The following MACROD1 variants were observed in gnomAD, a reference collection of about 807,000 sequenced individuals.
The protein encoded by MACROD1 is mono-ADP ribosylhydrolase 1.
MACROD1 carries 31 observed loss-of-function variants against 41.4 expected under a neutral mutation model. That is an observed-to-expected ratio of 0.75 (90% CI 0.56 to 1.01). The LOEUF (loss-of-function observed/expected upper bound fraction) is 1.01, where lower values mean the gene tolerates loss of function less well. Ranked by LOEUF, MACROD1 falls within the 50% of genes least tolerant of loss-of-function variation. The pLI is 0.00. For synonymous variants in MACROD1, 252 were observed against 203.4 expected, an observed-to-expected ratio of 1.24 and a Z score of -2.03; for missense variants, 473 against 460.0, an observed-to-expected ratio of 1.03 and a Z score of -0.26.
Position 63,999,743 on chromosome 11 carries a change from GC to G in MACROD1, c.684del (p.Ile230SerfsTer19). 1 of 1,607,208 alleles carries G rather than the reference GC, an allele frequency of 6.2e-7. No homozygotes were observed. Among genetic ancestry groups the G allele is most frequent in the Non-Finnish European group, 8.5e-7 (1 of 1,179,448 alleles). On this transcript the variant is annotated frameshift_variant, in exon 6 of 11. Coordinates refer to ENST00000255681, the MANE Select transcript of MACROD1 (RefSeq NM_014067.4). LOFTEE classifies it high-confidence loss of function. ...GCGCTGGGCTCCCCGTAGGCGATGG[GC>G]CCCACTGTGTGGATGACGTCTACGG... ...LPAKYVIHTV[G>X]PIAYGEPSAS... is the part of the protein sequence containing the mutation.
At chr11:64,000,659 G>A (rs1484230386) in intron 4 of MACROD1, among the ~76,000 whole-genome samples, 2 of 151,914 alleles carry the variant, frequency 1.3e-5, no homozygotes, top group Admixed American at 6.5e-5. Flanking sequence ...TCCGGGAGGC[G>A]GGGGCCGCCG....
At chr11:64,040,184 A>C (rs1943458399) in intron 3 of MACROD1, among the ~76,000 whole-genome samples, 1 of 151,966 alleles carries the variant, frequency 6.6e-6, no homozygotes, top group South Asian at 2.1e-4. Context: ...CATTAGTCAG[A>C]TCTACCTCTT....
chr11:64,056,546 G>A (rs1943789517), intron 3 of MACROD1, among the ~76,000 whole-genome samples: 1 of 152,222 alleles, frequency 6.6e-6, no homozygotes, highest in African/African-American at 2.4e-5. Context: ...CAACAGCCGG[G>A]GGCCTGGCCC....
intron 1 of MACROD1, among the ~76,000 whole-genome samples, chr11:64,153,771 C>T (rs558863472): frequency 1.3e-5 from 2 of 152,294 alleles, no homozygotes; most frequent in East Asian, 3.9e-4. Context: ...GCCACTTCTG[C>T]CCCCTCTTCC....
chr11:64,019,026 T>C (rs1943118768), intron 3 of MACROD1, among the ~76,000 whole-genome samples: 1 of 151,800 alleles, frequency 6.6e-6, no homozygotes, highest in South Asian at 2.1e-4. Context: ...CATGTGGGGC[T>C]GAGTGGGGGA....
At chr11:64,140,084 G>A (rs1945390494) in intron 3 of MACROD1, among the ~76,000 whole-genome samples, 1 of 152,202 alleles carries the variant, frequency 6.6e-6, no homozygotes, top group Non-Finnish European at 1.5e-5. Flanking sequence ...AACCAAGCAT[G>A]CCAGCGCCCT....
rs959921017 is a variant in MACROD1, at chr11:64,120,163, G to T, written c.517+31076C>A. 6.6e-6 allele frequency among the ~76,000 whole-genome samples: 1 copy of T among 152,148 alleles called. No homozygotes were observed. On this transcript the variant is annotated intron_variant, in intron 3 of 10. Transcript: ENST00000255681. This position sits in a 1 kb window ranked among gnomAD's most constrained non-coding sequence, Gnocchi z 4.5. The stretch of plus-strand genomic sequence containing the variant: ...GTGAGGAGATGGGGCTGAAAGGAGC[G>T]GACACAACAGCCACGTGGAAAGTGG...
intron 3 of MACROD1, among the ~76,000 whole-genome samples, chr11:64,134,331 C>A (rs1243588990): frequency 6.6e-6 from 1 of 152,174 alleles, no homozygotes; most frequent in African/African-American, 2.4e-5. Flanking sequence ...GAGTTGAAAC[C>A]CTGAAGCAGG....
chr11:64,015,608 G>A (rs581355), intron 3 of MACROD1, among the ~76,000 whole-genome samples: 42,750 of 152,024 alleles, frequency 0.28, 7,650 homozygotes, highest in Non-Finnish European at 0.4. Flanking sequence ...TCACTGTTTC[G>A]CCCACAGTAT....
chr11:64,164,602 C>A (rs1318912949), intron 1 of MACROD1, among the ~76,000 whole-genome samples: 1 of 152,282 alleles, frequency 6.6e-6, no homozygotes, highest in Non-Finnish European at 1.5e-5. Context: ...TCTGCCGTCA[C>A]TTTTAGATCC....
intron 3 of MACROD1, among the ~76,000 whole-genome samples, chr11:64,136,873 C>T (rs966841553): frequency 1.3e-5 from 2 of 152,342 alleles, no homozygotes; most frequent in African/African-American, 4.8e-5. Context: ...CAAGTCTCTG[C>T]AGGGATGGGG....
intron 5 of MACROD1, 64 bp from the exon 6 acceptor site, chr11:63,999,827 C>T (rs1590786209): frequency 1.3e-6 from 2 of 1,539,044 alleles, no homozygotes; most frequent in African/African-American, 1.4e-5. Context: ...CTCGCTTCCC[C>T]CTGCCGGCCT....
chr11:64,009,166 GCGT>G (rs1189168910), intron 4 of MACROD1: 1 of 152,078 alleles, frequency 6.6e-6, no homozygotes, highest in Non-Finnish European at 1.5e-5. Flanking sequence ...AGAGACACGG[GCGT>G]CAGGGCTCTG....
At position 64,120,171 on chromosome 11, in the gene MACROD1, C is replaced by T. The variant is rs757256495; in HGVS notation, c.517+31068G>A. Among the ~76,000 whole-genome samples, 2 of 152,210 alleles carry T rather than the reference C, an allele frequency of 1.3e-5. No individual in the cohort carries two copies. Among genetic ancestry groups the T allele is most frequent in the East Asian group, 3.8e-4 (2 of 5,196 alleles). The stretch of plus-strand genomic sequence containing the variant: ...ATGGGGCTGAAAGGAGCGGACACAA[C>T]AGCCACGTGGAAAGTGGAAAAATGG... On this transcript the variant is annotated intron_variant, in intron 3 of 10. Coordinates refer to ENST00000255681, the MANE Select transcript of MACROD1 (RefSeq NM_014067.4). The surrounding 1 kb of genome is among the most constrained non-coding windows in gnomAD (Gnocchi z 4.5).
At position 64,057,395 on chromosome 11, in the gene MACROD1, T is replaced by C. The variant is rs138981447; in HGVS notation, c.518-42114A>G. On this transcript the variant is annotated intron_variant, in intron 3 of 10. Coordinates refer to ENST00000255681, the MANE Select transcript of MACROD1 (RefSeq NM_014067.4). Reference sequence around the variant, plus strand: ...CTACCAAGGCAGATTTAAAACCTCATGGGGAGTGACCCACATGGTGCCAGC... The same window carrying C: ...CTACCAAGGCAGATTTAAAACCTCACGGGGAGTGACCCACATGGTGCCAGC... Among the ~76,000 whole-genome samples the C allele has an allele frequency of 3.0e-4, 46 of 152,268 alleles. No homozygotes were observed. In the East Asian group the frequency reaches 8.7e-3, roughly 29 times the overall value.
chr11:64,125,879 C>T (rs950601298), intron 3 of MACROD1, among the ~76,000 whole-genome samples: 5 of 152,214 alleles, frequency 3.3e-5, no homozygotes, highest in African/African-American at 1.2e-4. Context: ...GCATCTGGAG[C>T]CACCCACCTG....
chr11:64,000,451 C>T lies in MACROD1; in HGVS notation c.548-108G>A, dbSNP rs1942803696. 8.9e-6 allele frequency: 6 copies of T among 671,342 alleles called. 1 individual carries two copies. The South Asian group carries it at 1.5e-4, about 16-fold the overall frequency. The allele number at this position is 671,342 out of a possible 1,614,324, so 41.6% of individuals were successfully genotyped here. A position where few individuals can be genotyped will look rare whatever the true frequency, so the allele number is the denominator to read the frequency against. ...CGGCGATGCGAGGACCCATGCGGAG[C>T]CGCGCCCCAACCCCGTGGCCTCCGG... On this transcript the variant is annotated intron_variant, in intron 4 of 10. Coordinates refer to ENST00000255681, the MANE Select transcript of MACROD1 (RefSeq NM_014067.4).
intron 3 of MACROD1, among the ~76,000 whole-genome samples, chr11:64,123,231 G>A (rs1043722597): frequency 3.3e-5 from 5 of 152,198 alleles, no homozygotes; most frequent in Non-Finnish European, 7.3e-5. Flanking sequence ...CCTCATACTC[G>A]ATTGGCACAG....
intron 3 of MACROD1, among the ~76,000 whole-genome samples, chr11:64,026,129 C>T (rs1420508666): frequency 6.6e-6 from 1 of 152,082 alleles, no homozygotes; most frequent in Non-Finnish European, 1.5e-5. Context: ...TGCAGTGAGC[C>T]GAGATTGTGC....
Sources: allele counts gnomAD v4.1 joint callset (sites outside exome capture counted in the v4.1 genomes callset), GRCh38; gene constraint gnomAD v4.1.1; non-coding constraint Gnocchi (gnomAD v3.1); transcripts MANE v1.5; gene names NCBI Gene and HGNC (gene_info 2026-07-23, HGNC 2026-07-21).